Variants in CD8A observed in about 807,000 individuals in gnomAD.
CD8A encodes T-cell surface glycoprotein CD8 alpha chain.
In CD8A, 25 loss-of-function variants were observed where a neutral mutation model predicts 24.2. That is an observed-to-expected ratio of 1.03 (90% confidence interval 0.75 to 1.44). CD8A has a LOEUF of 1.44. Ranked by LOEUF, CD8A falls within the 40% of genes most tolerant of loss-of-function variation. The pLI is 0.00. For synonymous variants in CD8A, 165 were observed against 149.9 expected, an observed-to-expected ratio of 1.10 and a Z score of -0.74; for missense variants, 360 against 319.7, an observed-to-expected ratio of 1.13 and a Z score of -0.96.
rs770488602 is a variant in CD8A, at chr2:86,790,868, G to C, written c.-43C>G. ...GCTGCTTGGCTCGAAGCTCGGGCGCGAGGGGAGGCGCGCGGGAGCCGGTGG... is the reference window on the plus strand; with the variant it reads ...GCTGCTTGGCTCGAAGCTCGGGCGCCAGGGGAGGCGCGCGGGAGCCGGTGG... On this transcript the variant is annotated 5_prime_UTR_variant, in exon 1 of 6. Coordinates refer to ENST00000283635, the MANE Select transcript of CD8A (RefSeq NM_001768.7). 2.6e-6 allele frequency: 4 copies of C among 1,529,966 alleles called. No individual in the cohort carries two copies. The highest frequency in any genetic ancestry group is 2.0e-5 in the Admixed American group (1 of 50,944). The allele number at this position is 1,529,966 out of a possible 1,614,324, so 94.8% of individuals were successfully genotyped here.
intron 5 of CD8A, among the ~76,000 whole-genome samples, chr2:86,787,038 AAAGAAAAG>A (rs1231729564): frequency 1.5e-5 from 2 of 136,356 alleles, no homozygotes; most frequent in Non-Finnish European, 3.1e-5. Context: ...AAAAAAAAAA[AAAGAAAAG>A]AAAAGAAAAG....
intron 3 of CD8A, among the ~76,000 whole-genome samples, chr2:86,800,624 G>C (rs769561962): frequency 6.6e-6 from 1 of 152,104 alleles, no homozygotes; most frequent in Non-Finnish European, 1.5e-5. Context: ...TGGCTACTTG[G>C]TAGGCTTCGG....
At chr2:86,794,596 C>T (rs889060385), upstream of CD8A, among the ~76,000 whole-genome samples, 1 of 152,180 alleles carries the variant, frequency 6.6e-6, no homozygotes, top group Admixed American at 6.5e-5. Context: ...CCCCGAGTTC[C>T]CCAAGTTCAT....
chr2:86,791,113 A>C (rs1673290268), upstream of CD8A: 1 of 682,442 alleles, frequency 1.5e-6, no homozygotes, highest in Non-Finnish European at 2.7e-6. Context: ...TTTGGGGATG[A>C]GGAAAAGGGC....
rs1158745415 is a variant in CD8A, at chr2:86,789,441, CA to C, written c.515-9del. The C allele has an allele frequency of 2.5e-6, 4 of 1,601,850 alleles. No homozygotes were observed. Among genetic ancestry groups the C allele is most frequent in the Non-Finnish European group, 3.4e-6 (4 of 1,168,812 alleles). On this transcript the variant is annotated splice_polypyrimidine_tract_variant and intron_variant, in intron 3 of 5. Transcript: ENST00000283635. Reference sequence around the variant, plus strand: ...CCAGCCCCCTCGTGTGCACTGACGACACCAAAGACGCCGACATTTAGGAGAG... The same window carrying C: ...CCAGCCCCCTCGTGTGCACTGACGACCCAAAGACGCCGACATTTAGGAGAG...
rs2229240 is a variant in CD8A at position 86,790,452 on chromosome 2, C to G, written c.279G>C (p.Arg93Ser). Residue 93 changes from arginine (R) to serine (S), a missense_variant, in exon 2 of 6, where the codon AGG becomes AGC. By Grantham distance (110) the Arg-to-Ser change is moderately radical (BLOSUM62 -1). Coordinates refer to ENST00000283635, the MANE Select transcript of CD8A (RefSeq NM_001768.7). ...GLDTQRFSGK[R>S]LGDTFVLTLS... ...GGGTGAGGACGAAGGTGTCCCCCAACCTCTTGCCCGAGAACCGCTGGGTGT... is the reference window on the plus strand; with the variant it reads ...GGGTGAGGACGAAGGTGTCCCCCAAGCTCTTGCCCGAGAACCGCTGGGTGT... 3 of 1,614,158 alleles carry G rather than the reference C, an allele frequency of 1.9e-6. No individual in the cohort carries two copies. Among genetic ancestry groups the G allele is most frequent in the Non-Finnish European group, 2.5e-6 (3 of 1,180,022 alleles).
rs201323607 is a variant in CD8A, at chr2:86,788,570, G to A, written c.626-10C>T. On this transcript the variant is annotated splice_polypyrimidine_tract_variant and intron_variant, in intron 4 of 5. Coordinates refer to ENST00000283635, the MANE Select transcript of CD8A (RefSeq NM_001768.7). The stretch of plus-strand genomic sequence containing the variant: ...ACACGTCTTCGGTTCCCTGGATAAG[G>A]AAAAAGAAGGGAAAAAGTGAGTGCC... The A allele has an allele frequency of 1.1e-4, 185 of 1,612,188 alleles. No homozygotes were observed. Among genetic ancestry groups the A allele is most frequent in the Non-Finnish European group, 1.5e-4 (182 of 1,178,684 alleles).
chr2:86,789,303 C>A lies in CD8A; in HGVS notation c.625+20G>T. The A allele has an allele frequency of 6.6e-7, 1 of 1,506,818 alleles. No homozygotes were observed. Among genetic ancestry groups the A allele is most frequent in the Non-Finnish European group, 9.2e-7 (1 of 1,081,808 alleles). The allele number at this position is 1,506,818 out of a possible 1,614,324, so 93.3% of individuals were successfully genotyped here. A position where few individuals can be genotyped will look rare whatever the true frequency, so the allele number is the denominator to read the frequency against. Reference sequence around the variant, plus strand: ...AGGAGCGGGGCCGACTCCTTCCCGCCGCGATTCCTCGGGACTTACTGTGGT... The same window carrying A: ...AGGAGCGGGGCCGACTCCTTCCCGCAGCGATTCCTCGGGACTTACTGTGGT... On this transcript the variant is annotated intron_variant, in intron 4 of 5. Transcript: ENST00000283635.
intron 5 of CD8A, among the ~76,000 whole-genome samples, chr2:86,787,993 C>T (rs192782250): frequency 6.6e-4 from 101 of 152,034 alleles, no homozygotes; most frequent in Admixed American, 2.4e-3. Flanking sequence ...CCCTGCATCT[C>T]GTTCCCCTTT....
chr2:86,795,297 G>C (rs1177312256), upstream of CD8A, among the ~76,000 whole-genome samples: 2 of 152,190 alleles, frequency 1.3e-5, no homozygotes, highest in East Asian at 1.9e-4. Flanking sequence ...GGCTTAGATA[G>C]TTCATTCCAA....
At chr2:86,805,565 TGTTAAG>T (rs1202389039) in intron 2 of CD8A, among the ~76,000 whole-genome samples, 3 of 152,214 alleles carry the variant, frequency 2.0e-5, no homozygotes, top group African/African-American at 7.2e-5. Flanking sequence ...TGACTTCTCT[TGTTAAG>T]GTTGAGACCG....
At chr2:86,799,991 T>C (rs537191272) in intron 3 of CD8A, among the ~76,000 whole-genome samples, 1 of 152,170 alleles carries the variant, frequency 6.6e-6, no homozygotes, top group South Asian at 2.1e-4. Flanking sequence ...TGGTTTGACA[T>C]TGAAGACCAG....
chr2:86,789,075 G>A (rs1299898461), intron 4 of CD8A, among the ~76,000 whole-genome samples: 1 of 152,238 alleles, frequency 6.6e-6, no homozygotes, highest in Non-Finnish European at 1.5e-5. Flanking sequence ...TTCGTCGACG[G>A]AACACACCCG....
At chr2:86,795,709 T>C (rs1673460026), upstream of CD8A, among the ~76,000 whole-genome samples, 3 of 152,102 alleles carry the variant, frequency 2.0e-5, no homozygotes, top group Admixed American at 2.0e-4. Flanking sequence ...GGCTCTCTGC[T>C]TGAAACAGGG....
At chr2:86,787,069 CT>C (rs1171357174) in intron 5 of CD8A, among the ~76,000 whole-genome samples, 4 of 106,300 alleles carry the variant, frequency 3.8e-5, no homozygotes, top group East Asian at 6.4e-4. Context: ...AAGCTAAAAA[CT>C]TCCCCCCCCA....
upstream of CD8A, chr2:86,791,133 G>C (rs1211155273): frequency 1.1e-5 from 7 of 645,324 alleles, no homozygotes; most frequent in African/African-American, 1.8e-5. Context: ...CTTGGAAATA[G>C]TCCTTGGAAA....
chr2:86,785,847 A>G lies in CD8A; in HGVS notation c.*73T>C. 9.1e-7 allele frequency: 1 copy of G among 1,093,584 alleles called. No individual in the cohort carries two copies. The highest frequency in any genetic ancestry group is 2.0e-4 in the Middle Eastern group (1 of 5,078). The allele number at this position is 1,093,584 out of a possible 1,614,324, so 67.7% of individuals were successfully genotyped here. A position where few individuals can be genotyped will look rare whatever the true frequency, so the allele number is the denominator to read the frequency against. ...TACACAGGGAGGAAGACTGGAAAAA[A>G]TGAAAGGGAAGGACTTGCTCCCTCA... is the stretch of plus-strand genomic sequence containing the variant. On this transcript the variant is annotated 3_prime_UTR_variant, in exon 6 of 6. Coordinates refer to ENST00000283635, the MANE Select transcript of CD8A (RefSeq NM_001768.7).
At chr2:86,796,129 ATAAT>A (rs1341611458) in intron 3 of CD8A, among the ~76,000 whole-genome samples, 4 of 152,248 alleles carry the variant, frequency 2.6e-5, no homozygotes, top group Non-Finnish European at 4.4e-5. Flanking sequence ...AGTTGAAGGG[ATAAT>A]TAATGAATTG....
chr2:86,789,073 C>T (rs1033288942), intron 4 of CD8A, among the ~76,000 whole-genome samples: 1 of 152,214 alleles, frequency 6.6e-6, no homozygotes, highest in Non-Finnish European at 1.5e-5. Flanking sequence ...GCTTCGTCGA[C>T]GGAACACACC....
Sources: gnomAD v4.1 joint callset for allele counts (sites outside exome capture counted in the v4.1 genomes callset) on GRCh38, gnomAD v4.1.1 for gene constraint, MANE v1.5 for transcripts, NCBI Gene and HGNC (gene_info 2026-07-23, HGNC 2026-07-21) for gene names.